Variants in TTC39B observed in about 807,000 individuals in gnomAD.
TTC39B encodes the protein tetratricopeptide repeat protein 39B.
TTC39B carries 92 observed loss-of-function variants against 96.6 expected under a neutral mutation model. The observed-to-expected ratio is 0.95, with a 90% CI of 0.80 to 1.13. The LOEUF (loss-of-function observed/expected upper bound fraction) is 1.13. Among genes scored for constraint, TTC39B ranks in the 50% most tolerant of loss-of-function variants. The pLI is 0.00. For synonymous variants in TTC39B, 367 were observed against 299.4 expected, an observed-to-expected ratio of 1.23 and a Z score of -2.33; for missense variants, 955 against 809.3, an observed-to-expected ratio of 1.18 and a Z score of -2.18.
intron 1 of TTC39B, among the ~76,000 whole-genome samples, chr9:15,300,992 G>A (rs534602006): frequency 3.1e-4 from 46 of 146,522 alleles, no homozygotes; most frequent in African/African-American, 9.2e-4. Context: ...AATGACTCAC[G>A]ACCCAAGTCA....
At position 15,207,191 on chromosome 9, in the gene TTC39B, G is replaced by T. The variant is rs1819914735; in HGVS notation, c.691+2897C>A. 2.0e-5 allele frequency among the ~76,000 whole-genome samples: 3 copies of T among 152,152 alleles called. No homozygotes were observed. The South Asian group carries it at 6.2e-4, about 32-fold the overall frequency. ...TTACCCAGTCCTGGGCAGTTCTTTA[G>T]AGTAGTGTGAAAATGGACTAATACA... On this transcript the variant is annotated intron_variant, in intron 6 of 19. Coordinates refer to ENST00000512701, the Ensembl canonical transcript of TTC39B.
chr9:15,193,974 G>C (rs774942519), intron 8 of TTC39B, among the ~76,000 whole-genome samples: 1 of 152,192 alleles, frequency 6.6e-6, no homozygotes, highest in Non-Finnish European at 1.5e-5. Context: ...TCCCGGGTTG[G>C]ATCCTGAGCC....
At chr9:15,215,384 C>A (rs1227693766) in intron 3 of TTC39B, among the ~76,000 whole-genome samples, 3 of 151,692 alleles carry the variant, frequency 2.0e-5, no homozygotes, top group East Asian at 3.9e-4. Flanking sequence ...ATGGTGAAAC[C>A]CCGTCTCTAC....
chr9:15,203,738 C>A (rs746522444), intron 7 of TTC39B, 85 bp downstream of exon 7: 40 of 1,085,378 alleles, frequency 3.7e-5, no homozygotes, highest in Non-Finnish European at 4.8e-5. Flanking sequence ...AGAACTGAAG[C>A]TTTGACATAG....
At chr9:15,278,269 TACTC>T (rs1431070144) in intron 1 of TTC39B, among the ~76,000 whole-genome samples, 2 of 152,170 alleles carry the variant, frequency 1.3e-5, no homozygotes, top group Admixed American at 1.3e-4. Context: ...TATCATAGAA[TACTC>T]ACAGTTCTGG....
chr9:15,191,829 G>A (rs1818874093), intron 9 of TTC39B, among the ~76,000 whole-genome samples: 3 of 152,232 alleles, frequency 2.0e-5, no homozygotes, highest in South Asian at 4.1e-4. Flanking sequence ...TGGAAGGGCA[G>A]GGGCTTAGAA....
chr9:15,286,099 T>C (rs1055002632), intron 1 of TTC39B, among the ~76,000 whole-genome samples: 1 of 152,232 alleles, frequency 6.6e-6, no homozygotes, highest in Non-Finnish European at 1.5e-5. Flanking sequence ...AAGGATATCC[T>C]CTTACATGGC....
At chr9:15,192,499 T>G in intron 9 of TTC39B, 91 bp downstream of exon 9, 1 of 979,454 alleles carries the variant, frequency 1.0e-6, no homozygotes, top group South Asian at 1.5e-5. Flanking sequence ...CAAGGAAAGG[T>G]TCAGGATGAG....
chr9:15,241,742 C>CTT (rs5896669), intron 2 of TTC39B, among the ~76,000 whole-genome samples: 4,202 of 129,082 alleles, frequency 0.033, 241 homozygotes, highest in African/African-American at 0.11. Context: ...TTAATTAACT[C>CTT]TTTTTTTTTT....
intron 6 of TTC39B, among the ~76,000 whole-genome samples, chr9:15,204,504 G>C (rs1447781595): frequency 6.6e-6 from 1 of 151,458 alleles, no homozygotes; most frequent in African/African-American, 2.4e-5. Flanking sequence ...ACTCCAGCCC[G>C]GGCAACAAGA....
intron 3 of TTC39B, among the ~76,000 whole-genome samples, chr9:15,225,227 T>C (rs1821057573): frequency 6.6e-6 from 1 of 152,178 alleles, no homozygotes; most frequent in African/African-American, 2.4e-5. Flanking sequence ...AGAAGTAGAT[T>C]ACTGAACAGT....
chr9:15,223,439 G>C (rs990396915), intron 3 of TTC39B, among the ~76,000 whole-genome samples: 4 of 152,200 alleles, frequency 2.6e-5, no homozygotes, highest in Non-Finnish European at 5.9e-5. Flanking sequence ...CTTGTTAAAT[G>C]GTGACCCAAA....
chr9:15,227,686 G>A (rs1821198404), intron 2 of TTC39B, among the ~76,000 whole-genome samples: 2 of 152,160 alleles, frequency 1.3e-5, no homozygotes, highest in Non-Finnish European at 2.9e-5. Context: ...GTGACCGACT[G>A]AAAAGGCTAT....
chr9:15,302,610 G>A (rs868308823), intron 1 of TTC39B, among the ~76,000 whole-genome samples: 2 of 146,000 alleles, frequency 1.4e-5, no homozygotes, highest in Non-Finnish European at 3.0e-5. Flanking sequence ...TTGAGAGGCC[G>A]AGGTAGGTGG....
At chr9:15,177,923 G>A in intron 17 of TTC39B, 109 bp from the exon 18 acceptor site, 2 of 610,606 alleles carry the variant, frequency 3.3e-6, no homozygotes, top group Non-Finnish European at 2.6e-6. Flanking sequence ...AGGCTGGAGT[G>A]CAGTGGCGCA....
In TTC39B at chr9:15,295,453, C is replaced by G. The variant is rs1824338333; in HGVS notation, c.240+11631G>C. 2.0e-5 allele frequency among the ~76,000 whole-genome samples: 3 copies of G among 152,332 alleles called. No homozygotes were observed. The South Asian group carries it at 6.2e-4, about 32-fold the overall frequency. ...GAGTTAGGGAATCTAGCTTCTAACC[C>G]TGATTCTGTGCCTAAGCCAGCTGAG... is the stretch of plus-strand genomic sequence containing the variant. On this transcript the variant is annotated intron_variant, in intron 1 of 19. Transcript: ENST00000512701.
chr9:15,247,588 T>G (rs533831643), intron 2 of TTC39B, among the ~76,000 whole-genome samples: 2 of 152,256 alleles, frequency 1.3e-5, no homozygotes, highest in East Asian at 3.9e-4. Context: ...CCATTAGCAT[T>G]CCTCTTCTAG....
intron 17 of TTC39B, among the ~76,000 whole-genome samples, chr9:15,180,435 C>T (rs968391637): frequency 1.3e-5 from 2 of 152,200 alleles, no homozygotes; most frequent in Non-Finnish European, 2.9e-5. Flanking sequence ...AGGGATGTCA[C>T]CAAATTCTGT....
intron 6 of TTC39B, among the ~76,000 whole-genome samples, chr9:15,205,950 T>A (rs1273638625): frequency 1.3e-5 from 2 of 152,082 alleles, no homozygotes; most frequent in Non-Finnish European, 2.9e-5. Context: ...CAAGGCTCAA[T>A]TATAAGTGGC....
Sources: allele counts gnomAD v4.1 joint callset (sites outside exome capture counted in the v4.1 genomes callset), GRCh38; gene constraint gnomAD v4.1.1; transcripts MANE v1.5; gene names NCBI Gene and HGNC (gene_info 2026-07-23, HGNC 2026-07-21).